Variants in CDH12 observed in about 807,000 individuals in gnomAD.
CDH12 encodes cadherin-12.
Under a neutral mutation model 74.1 loss-of-function variants are expected in CDH12, and 41 were observed. That is an observed-to-expected ratio of 0.55 (90% CI 0.43 to 0.72). The LOEUF (loss-of-function observed/expected upper bound fraction) is 0.72. Ranked by LOEUF, CDH12 falls within the 30% of genes least tolerant of loss-of-function variation. The probability of loss-of-function intolerance (pLI) is 0.00; values close to 1 mark genes in which losing one functional copy is unlikely to be tolerated. For synonymous variants in CDH12, 399 were observed against 355.0 expected (o/e 1.12, Z -1.39); for missense variants, 945 against 977.2 (o/e 0.97, Z 0.44).
intron 5 of CDH12, among the ~76,000 whole-genome samples, chr5:21,998,524 T>C (rs1218686389): frequency 1.3e-5 from 2 of 152,078 alleles, no homozygotes; most frequent in Non-Finnish European, 2.9e-5. Context: ...TCCTTTTGTG[T>C]TATTAATAAT....
At chr5:22,083,252 C>A (rs998710033) in intron 4 of CDH12, among the ~76,000 whole-genome samples, 2 of 152,192 alleles carry the variant, frequency 1.3e-5, no homozygotes, top group African/African-American at 4.8e-5. Flanking sequence ...ACAAGGCCTG[C>A]ATAATCGACC....
chr5:22,249,479 T>A (rs1448912606), intron 3 of CDH12, among the ~76,000 whole-genome samples: 1 of 152,080 alleles, frequency 6.6e-6, no homozygotes, highest in Non-Finnish European at 1.5e-5. Flanking sequence ...AAGATCTGTA[T>A]CCATAACTAA....
intron 3 of CDH12, among the ~76,000 whole-genome samples, chr5:22,389,374 A>G (rs1742133843): frequency 6.6e-6 from 1 of 152,214 alleles, no homozygotes; most frequent in Non-Finnish European, 1.5e-5. Context: ...TGGATTGTCA[A>G]GTTTCATATG....
At chr5:22,725,159 C>T (rs1451191156) in intron 1 of CDH12, among the ~76,000 whole-genome samples, 1 of 151,788 alleles carries the variant, frequency 6.6e-6, no homozygotes, top group Non-Finnish European at 1.5e-5. Flanking sequence ...GACATCACAC[C>T]TAAATTCTCT....
chr5:22,379,951 G>T (rs1045740436), intron 3 of CDH12, among the ~76,000 whole-genome samples: 2 of 151,990 alleles, frequency 1.3e-5, no homozygotes, highest in Non-Finnish European at 2.9e-5. Flanking sequence ...TAGAGACAAG[G>T]TCTCTCTATT....
At chr5:22,408,067 A>G (rs1026192773) in intron 2 of CDH12, among the ~76,000 whole-genome samples, 10 of 152,002 alleles carry the variant, frequency 6.6e-5, no homozygotes, top group Non-Finnish European at 1.3e-4. Flanking sequence ...TAGTTTTCAT[A>G]AAGTTTTGAG....
intron 6 of CDH12, among the ~76,000 whole-genome samples, chr5:21,900,008 A>G (rs1251917811): frequency 6.6e-6 from 1 of 152,108 alleles, no homozygotes; most frequent in Non-Finnish European, 1.5e-5. Flanking sequence ...ATATATACAA[A>G]TCCACAGATT....
At chr5:22,002,562 T>G (rs1045775175) in intron 5 of CDH12, among the ~76,000 whole-genome samples, 1 of 152,120 alleles carries the variant, frequency 6.6e-6, no homozygotes, top group African/African-American at 2.4e-5. Flanking sequence ...ATTTACAAAT[T>G]GTCTGGTTTT....
intron 1 of CDH12, among the ~76,000 whole-genome samples, chr5:22,544,375 T>C (rs1478957329): frequency 6.6e-6 from 1 of 152,124 alleles, no homozygotes; most frequent in Admixed American, 6.5e-5. Flanking sequence ...GAGTTAGCAA[T>C]TAGTTTATGG....
chr5:22,746,368 G>T (rs1023022113), intron 1 of CDH12, among the ~76,000 whole-genome samples: 1 of 152,122 alleles, frequency 6.6e-6, no homozygotes, highest in Admixed American at 6.5e-5. Flanking sequence ...CTACTAATGA[G>T]TAGTGCCAAA....
intron 4 of CDH12, among the ~76,000 whole-genome samples, chr5:22,156,827 A>G (rs569377515): frequency 1.3e-5 from 2 of 152,268 alleles, no homozygotes; most frequent in African/African-American, 4.8e-5. Context: ...TTACATATGC[A>G]TAATGTAGCC....
At chr5:22,310,248 G>A (rs896704684) in intron 3 of CDH12, among the ~76,000 whole-genome samples, 9 of 151,982 alleles carry the variant, frequency 5.9e-5, no homozygotes, top group Admixed American at 2.0e-4. Flanking sequence ...TTCACCTGAC[G>A]TCAGGAGTTT....
At chr5:22,790,488 T>A (rs766314582) in intron 1 of CDH12, among the ~76,000 whole-genome samples, 3 of 152,070 alleles carry the variant, frequency 2.0e-5, no homozygotes, top group Admixed American at 6.6e-5. Flanking sequence ...CCTAGCAAAA[T>A]GATCAATGTA....
intron 13 of CDH12, among the ~76,000 whole-genome samples, chr5:21,758,097 A>T (rs185916150): frequency 4.2e-4 from 64 of 152,306 alleles, no homozygotes; most frequent in African/African-American, 1.5e-3. Context: ...GGTTTAAGTT[A>T]TCTCCTGAAA....
chr5:22,842,505 C>A (rs973601232), intron 1 of CDH12, among the ~76,000 whole-genome samples: 1 of 151,888 alleles, frequency 6.6e-6, no homozygotes, highest in African/African-American at 2.4e-5. Context: ...AGTCAAGGAC[C>A]AGAGCTTAAT....
rs566395154 is a variant in CDH12 at position 22,784,687 on chromosome 5, G to A, written c.-523+68371C>T. Among the ~76,000 whole-genome samples the A allele has an allele frequency of 2.4e-4, 36 of 152,122 alleles. 1 individual carries two copies. Among genetic ancestry groups the A allele is most frequent in the African/African-American group, 2.2e-4 (9 of 41,522 alleles). On this transcript the variant is annotated intron_variant, in intron 1 of 14. Transcript: ENST00000382254. ...ACTAGACCCAATACAGCCTGGTCCC[G>A]TTATAAACTCCATTATTGTATTTTC...
At chr5:22,650,492 T>G (rs535332480) in intron 1 of CDH12, among the ~76,000 whole-genome samples, 1 of 152,204 alleles carries the variant, frequency 6.6e-6, no homozygotes, top group East Asian at 1.9e-4. Context: ...ATTAATTCTT[T>G]ACTCCCTTAG....
intron 1 of CDH12, among the ~76,000 whole-genome samples, chr5:22,652,847 A>G (rs1023933848): frequency 2.6e-5 from 4 of 152,124 alleles, no homozygotes; most frequent in African/African-American, 9.7e-5. Context: ...AACAGTAAGA[A>G]ATTTGAATCT....
chr5:22,336,052 C>A (rs1446394792), intron 3 of CDH12, among the ~76,000 whole-genome samples: 1 of 152,058 alleles, frequency 6.6e-6, no homozygotes, highest in Non-Finnish European at 1.5e-5. Context: ...AGATGAGGAA[C>A]TTGTTCGGAA....
Sources: gnomAD v4.1 joint callset for allele counts (sites outside exome capture counted in the v4.1 genomes callset) on GRCh38, gnomAD v4.1.1 for gene constraint, MANE v1.5 for transcripts, NCBI Gene and HGNC (gene_info 2026-07-23, HGNC 2026-07-21) for gene names.